Variants in WDFY4 observed in about 807,000 individuals in gnomAD.
The protein encoded by WDFY4 is WD repeat- and FYVE domain-containing protein 4.
A neutral mutation model predicts 351.9 loss-of-function variants in WDFY4; 169 were observed. The observed-to-expected ratio is 0.48, with a 90% CI of 0.42 to 0.55. The LOEUF (loss-of-function observed/expected upper bound fraction) is 0.55, where lower values mean the gene tolerates loss of function less well. Among genes scored for constraint, WDFY4 ranks in the 20% least tolerant of loss-of-function variants. WDFY4 has a pLI of 0.00. For synonymous variants in WDFY4, 1,622 were observed against 1,574.6 expected, an observed-to-expected ratio of 1.03 and a Z score of -0.71; for missense variants, 3,803 against 3,935.6, an observed-to-expected ratio of 0.97 and a Z score of 0.90.
chr10:48,913,278 C>T (rs1838174302), intron 47 of WDFY4: 5 of 1,007,822 alleles, frequency 5.0e-6, no homozygotes, highest in African/African-American at 1.6e-5. Flanking sequence ...ATGGGCTTGG[C>T]TGAAAGAGCT....
intron 39 of WDFY4, among the ~76,000 whole-genome samples, chr10:48,840,829 A>G (rs898688967): frequency 3.3e-5 from 5 of 152,230 alleles, no homozygotes; most frequent in Non-Finnish European, 5.9e-5. Flanking sequence ...TGTCTGTTAT[A>G]GGAGTCTGAA....
At chr10:48,914,792 G>A (rs762875774) in intron 47 of WDFY4, among the ~76,000 whole-genome samples, 55 of 152,198 alleles carry the variant, frequency 3.6e-4, no homozygotes, top group Non-Finnish European at 3.2e-4. Flanking sequence ...AGAAAAGCCT[G>A]TTGCTCAGCC....
intron 44 of WDFY4, among the ~76,000 whole-genome samples, chr10:48,893,900 G>A (rs574495343): frequency 6.6e-6 from 1 of 152,280 alleles, no homozygotes; most frequent in East Asian, 1.9e-4. Context: ...TTATGCTGAC[G>A]AACTGTGAAT....
intron 43 of WDFY4, among the ~76,000 whole-genome samples, chr10:48,885,724 C>CTA (rs1192526974): frequency 1.3e-5 from 2 of 150,750 alleles, no homozygotes; most frequent in African/African-American, 4.9e-5. Context: ...TTCTCTCTCT[C>CTA]TCTCTCTCTC....
intron 44 of WDFY4, among the ~76,000 whole-genome samples, chr10:48,891,530 G>T (rs1387001406): frequency 2.0e-5 from 3 of 152,238 alleles, no homozygotes; most frequent in Non-Finnish European, 2.9e-5. Context: ...AGTTCTTCGT[G>T]CAGAGATAGG....
intron 1 of WDFY4, among the ~76,000 whole-genome samples, chr10:48,697,546 G>A (rs2063363733): frequency 6.6e-6 from 1 of 152,230 alleles, no homozygotes; most frequent in African/African-American, 2.4e-5. Context: ...TGATGTGCAG[G>A]TGTGCATCTA....
chr10:48,910,406 A>G, intron 47 of WDFY4: 1 of 725,926 alleles, frequency 1.4e-6, no homozygotes, highest in Non-Finnish European at 2.5e-6. Context: ...GTTGTATTTG[A>G]GGAAAGAGAA....
intron 43 of WDFY4, among the ~76,000 whole-genome samples, chr10:48,885,272 T>C (rs2070408524): frequency 6.6e-6 from 1 of 152,236 alleles, no homozygotes; most frequent in Non-Finnish European, 1.5e-5. Flanking sequence ...TCATACATAC[T>C]AACTTTTCAA....
In WDFY4 at chr10:48,800,711, TTTCTTTCTTTCATTCTTTC is replaced by T. The variant is rs1440447566; in HGVS notation, c.4411-2572_4411-2554del. 1.7e-4 allele frequency among the ~76,000 whole-genome samples: 24 copies of T among 137,832 alleles called. No homozygotes were observed. The South Asian group carries it at 1.9e-3, about 11-fold the overall frequency. 90.4% of individuals were successfully genotyped at this position (137,832 alleles called of 152,430 possible). A position where few individuals can be genotyped will look rare whatever the true frequency, so the allele number is the denominator to read the frequency against. On this transcript the variant is annotated intron_variant, in intron 24 of 61. Coordinates refer to ENST00000325239, the MANE Select transcript of WDFY4 (RefSeq NM_001394531.1). ...CTTTCTTTCTTTCTTTCTTTCTTTC[TTTCTTTCTTTCATTCTTTC>T]TTTTTTTTTTTTTTTGTTTTGAGAT...
At chr10:48,942,814 A>T (rs1422411433) in intron 48 of WDFY4, among the ~76,000 whole-genome samples, 1 of 152,148 alleles carries the variant, frequency 6.6e-6, no homozygotes, top group Non-Finnish European at 1.5e-5. Context: ...GTGACTGTTC[A>T]TCTGGAGGCA....
intron 47 of WDFY4, among the ~76,000 whole-genome samples, chr10:48,941,187 T>A (rs2133755953): frequency 6.6e-6 from 1 of 152,216 alleles, no homozygotes; most frequent in African/African-American, 2.4e-5. Context: ...AAGGGCAGTG[T>A]GAGCCGGTCT....
At chr10:48,883,747 C>T (rs1291324824) in intron 43 of WDFY4, among the ~76,000 whole-genome samples, 1 of 152,194 alleles carries the variant, frequency 6.6e-6, no homozygotes, top group African/African-American at 2.4e-5. Flanking sequence ...GCCTCTGGAG[C>T]TGCAGGCATC....
chr10:48,794,724 C>T (rs534301138), intron 23 of WDFY4, among the ~76,000 whole-genome samples: 32 of 152,190 alleles, frequency 2.1e-4, no homozygotes, highest in Middle Eastern at 3.4e-3. Flanking sequence ...TTTGAGAAGG[C>T]GGGTATGGTC....
chr10:48,955,285 T>C (rs912435022), intron 51 of WDFY4, among the ~76,000 whole-genome samples: 18 of 152,226 alleles, frequency 1.2e-4, no homozygotes, highest in African/African-American at 4.3e-4. Flanking sequence ...AAAAGCCACA[T>C]GTTTAAAGCT....
At chr10:48,806,961 G>A (rs188875146) in intron 27 of WDFY4, among the ~76,000 whole-genome samples, 565 of 152,294 alleles carry the variant, frequency 3.7e-3, no homozygotes, top group Admixed American at 7.3e-3. Flanking sequence ...AGAGTCTCCT[G>A]GATAGCATTT....
At chr10:48,979,616 T>TGGAC (rs1376592960) in intron 60 of WDFY4, 1 of 150,898 alleles carries the variant, frequency 6.6e-6, no homozygotes, top group Non-Finnish European at 1.5e-5. Flanking sequence ...GATGGATGGA[T>TGGAC]GGATGGACGG....
At chr10:48,981,327 G>T in intron 60 of WDFY4, 40 bp from the exon 61 acceptor site, 3 of 1,538,832 alleles carry the variant, frequency 1.9e-6, no homozygotes, top group Non-Finnish European at 2.6e-6. Context: ...GTGCGAAGCC[G>T]ATCTGGCGTT....
At chr10:48,699,711 T>C (rs2063427667) in intron 1 of WDFY4, among the ~76,000 whole-genome samples, 1 of 152,230 alleles carries the variant, frequency 6.6e-6, no homozygotes, top group South Asian at 2.1e-4. Context: ...AACTCCAGCT[T>C]TGCCTGAGAC....
At chr10:48,920,249 C>T (rs376994836) in intron 47 of WDFY4, among the ~76,000 whole-genome samples, 1 of 150,640 alleles carries the variant, frequency 6.6e-6, no homozygotes, top group Non-Finnish European at 1.5e-5. Flanking sequence ...AGGACGTCCA[C>T]AAAAAAGCTA....
Sources: allele counts gnomAD v4.1 joint callset (sites outside exome capture counted in the v4.1 genomes callset), GRCh38; gene constraint gnomAD v4.1.1; transcripts MANE v1.5; gene names NCBI Gene and HGNC (gene_info 2026-07-23, HGNC 2026-07-21).